Variants in WDR93 observed in about 807,000 individuals in gnomAD.
WDR93 encodes WD repeat-containing protein 93.
A neutral mutation model predicts 82.9 loss-of-function variants in WDR93; 73 were observed. The observed-to-expected ratio is 0.88, with a 90% CI of 0.73 to 1.07. The LOEUF is 1.07. Among genes scored for constraint, WDR93 ranks in the 50% least tolerant of loss-of-function variants. The pLI is 0.00. For synonymous variants in WDR93, 283 were observed against 300.1 expected, an observed-to-expected ratio of 0.94 and a Z score of 0.59; for missense variants, 738 against 826.0, an observed-to-expected ratio of 0.89 and a Z score of 1.31.
At chr15:89,733,377 G>A (rs1966909035) in intron 13 of WDR93, among the ~76,000 whole-genome samples, 158 bp downstream of exon 13, 1 of 152,140 alleles carries the variant, frequency 6.6e-6, no homozygotes, top group Non-Finnish European at 1.5e-5. Flanking sequence ...TCACATATAT[G>A]TTACAATTTT....
chr15:89,711,849 A>G (rs1965993858), intron 4 of WDR93, among the ~76,000 whole-genome samples, 177 bp from the exon 5 acceptor site: 1 of 152,232 alleles, frequency 6.6e-6, no homozygotes, highest in African/African-American at 2.4e-5. Context: ...ACTTCTTTAC[A>G]TATCATCTTG....
At chr15:89,737,917 A>G (rs1967340125) in intron 15 of WDR93, 124 bp from the exon 16 acceptor site, 1 of 1,334,570 alleles carries the variant, frequency 7.5e-7, no homozygotes, top group Non-Finnish European at 1.0e-6. Flanking sequence ...CTCTGAAGTC[A>G]CAGCTCAACC....
chr15:89,694,870 G>A (rs1291121389), intron 1 of WDR93, among the ~76,000 whole-genome samples: 1 of 152,144 alleles, frequency 6.6e-6, no homozygotes, highest in Non-Finnish European at 1.5e-5. Context: ...TGCAAGGTAT[G>A]GATCGGCATT....
At chr15:89,730,322 CAAAA>C (rs370652070) in intron 11 of WDR93, among the ~76,000 whole-genome samples, 30,983 of 122,782 alleles carry the variant, frequency 0.25, 3,770 homozygotes, top group African/African-American at 0.36. Flanking sequence ...AAGACTATCT[CAAAA>C]AAAAAAAAAA....
At chr15:89,712,396 C>CTTTTTTTTTTTTTTTTT (rs1170109589) in intron 5 of WDR93, among the ~76,000 whole-genome samples, 1 of 80,514 alleles carries the variant, frequency 1.2e-5, no homozygotes, top group Non-Finnish European at 2.2e-5. Context: ...TTCCACTAAT[C>CTTTTTTTTTTTTTTTTT]TTTTTTTTTT....
At chr15:89,716,638 C>T (rs1017060920) in intron 6 of WDR93, among the ~76,000 whole-genome samples, 1 of 152,200 alleles carries the variant, frequency 6.6e-6, no homozygotes, top group African/African-American at 2.4e-5. Context: ...TAATGGTGTT[C>T]TGACTGATCT....
chr15:89,740,063 T>G (rs1386226595), intron 16 of WDR93, among the ~76,000 whole-genome samples: 1 of 152,178 alleles, frequency 6.6e-6, no homozygotes, highest in African/African-American at 2.4e-5. Flanking sequence ...TGCCAGGCTG[T>G]GTTCTGACCA....
At chr15:89,737,216 G>A (rs920571006) in intron 14 of WDR93, among the ~76,000 whole-genome samples, 1 of 152,224 alleles carries the variant, frequency 6.6e-6, no homozygotes, top group African/African-American at 2.4e-5. Context: ...CAAGGTCCCT[G>A]AGGCAGTGGG....
rs77171074 is a variant in WDR93, at chr15:89,737,547, C to T, written c.1609-26C>T. On this transcript the variant is annotated intron_variant, in intron 14 of 16. Transcript: ENST00000268130. Reference sequence around the variant, plus strand: ...TGAGGGACAGAGTCCAGTAGAAGCCCCCCTCACCATCTCTTTGCTTCCCAG... The same window carrying T: ...TGAGGGACAGAGTCCAGTAGAAGCCTCCCTCACCATCTCTTTGCTTCCCAG... 2.3e-3 allele frequency: 3,726 copies of T among 1,613,924 alleles called. 80 individuals carry two copies. In the African/African-American group the frequency reaches 0.044, roughly 19 times the overall value.
chr15:89,734,023 A>ATG (rs1029849051), intron 13 of WDR93, among the ~76,000 whole-genome samples: 7 of 151,474 alleles, frequency 4.6e-5, no homozygotes, highest in Non-Finnish European at 1.0e-4. Flanking sequence ...GCGCGCGCGC[A>ATG]TGTGTGTACG....
At chr15:89,742,125 C>T (rs1053865758) in intron 16 of WDR93, among the ~76,000 whole-genome samples, 5 of 151,948 alleles carry the variant, frequency 3.3e-5, no homozygotes, top group South Asian at 2.1e-4. Context: ...CTGTGGCTCA[C>T]GCCTGTAATC....
Position 89,737,751 on chromosome 15 carries a change from G to A in WDR93, c.1765+22G>A, listed in dbSNP as rs776169875. ...CGAGGTACAGAAAGGGACCAGGGCT[G>A]ATGCCCACTGACCATTTCCCTGACT... On this transcript the variant is annotated intron_variant, in intron 15 of 16. Coordinates refer to ENST00000268130, the MANE Select transcript of WDR93 (RefSeq NM_020212.2). 8.1e-6 allele frequency: 13 copies of A among 1,613,762 alleles called. No individual in the cohort carries two copies. In the Admixed American group the frequency reaches 2.2e-4, roughly 27 times the overall value.
At chr15:89,737,221 A>C (rs1439475798) in intron 14 of WDR93, among the ~76,000 whole-genome samples, 1 of 152,204 alleles carries the variant, frequency 6.6e-6, no homozygotes, top group Non-Finnish European at 1.5e-5. Context: ...TCCCTGAGGC[A>C]GTGGGAAGGA....
intron 6 of WDR93, among the ~76,000 whole-genome samples, chr15:89,715,991 T>C (rs955727669): frequency 1.3e-5 from 2 of 152,182 alleles, no homozygotes; most frequent in Admixed American, 6.5e-5. Flanking sequence ...AACATTAATA[T>C]ATTAATATTA....
At chr15:89,716,787 C>T (rs1307002236) in intron 6 of WDR93, 124 bp from the exon 7 acceptor site, 7 of 711,136 alleles carry the variant, frequency 9.8e-6, no homozygotes, top group African/African-American at 1.9e-5. Flanking sequence ...TGGCCCTCCA[C>T]ATCTGTTGCA....
intron 14 of WDR93, among the ~76,000 whole-genome samples, chr15:89,737,295 G>A (rs1967278206): frequency 6.6e-6 from 1 of 152,226 alleles, no homozygotes. Context: ...CTCTTCAGCA[G>A]AGAAGCAGAG....
Position 89,738,094 on chromosome 15 carries a change from G to A in WDR93, c.1819G>A (p.Val607Ile), listed in dbSNP as rs1967356131. 6.2e-7 allele frequency: 1 copy of A among 1,613,942 alleles called. No individual in the cohort carries two copies. ...STDDAGIQYS[V>I]FYFNFEACPL... ...CGACGATGCTGGAATCCAATATTCTGTTTTCTATTTTAATTTTGAGGCCTG... is the reference window on the plus strand; with the variant it reads ...CGACGATGCTGGAATCCAATATTCTATTTTCTATTTTAATTTTGAGGCCTG... Residue 607 changes from valine (V) to isoleucine (I), a missense_variant, in exon 16 of 17, where the codon GTT (valine) becomes ATT (isoleucine). Coordinates refer to ENST00000268130, the MANE Select transcript of WDR93 (RefSeq NM_020212.2).
chr15:89,711,468 C>G (rs1264145478), intron 4 of WDR93, among the ~76,000 whole-genome samples: 1 of 150,896 alleles, frequency 6.6e-6, no homozygotes, highest in Non-Finnish European at 1.5e-5. Flanking sequence ...TCAAGACCAG[C>G]CTGGGCAACA....
At chr15:89,729,181 C>A in intron 10 of WDR93, 88 bp downstream of exon 10, 1 of 1,235,966 alleles carries the variant, frequency 8.1e-7, no homozygotes, top group Non-Finnish European at 1.2e-6. Flanking sequence ...TGTTCCCCAA[C>A]AAACCTCGCA....
Sources: gnomAD v4.1 joint callset for allele counts (sites outside exome capture counted in the v4.1 genomes callset) on GRCh38, gnomAD v4.1.1 for gene constraint, MANE v1.5 for transcripts, NCBI Gene and HGNC (gene_info 2026-07-23, HGNC 2026-07-21) for gene names.